The following ILDR1 variants were observed in gnomAD, a reference collection of about 807,000 sequenced individuals.
The protein encoded by ILDR1 is immunoglobulin-like domain-containing receptor 1.
ILDR1 carries 56 observed loss-of-function variants against 62.4 expected under a neutral mutation model. The observed-to-expected ratio is 0.90, with a 90% confidence interval of 0.72 to 1.12. The LOEUF (loss-of-function observed/expected upper bound fraction) is 1.12, where lower values mean the gene tolerates loss of function less well. ILDR1 is among the 50% of genes most tolerant of loss of function. The probability of loss-of-function intolerance (pLI) is 0.00; values close to 1 mark genes in which losing one functional copy is unlikely to be tolerated. For synonymous variants in ILDR1, 284 were observed against 277.8 expected, an observed-to-expected ratio of 1.02 and a Z score of -0.22; for missense variants, 736 against 710.6, an observed-to-expected ratio of 1.04 and a Z score of -0.41.
At chr3:122,004,770 C>T (rs2071579078) in intron 3 of ILDR1, among the ~76,000 whole-genome samples, 1 of 152,130 alleles carries the variant, frequency 6.6e-6, no homozygotes, top group African/African-American at 2.4e-5. Context: ...CTTTTTAGTC[C>T]AAGCCCAGTG....
chr3:122,026,758 A>C (rs2071924512), upstream of ILDR1, among the ~76,000 whole-genome samples: 8 of 152,202 alleles, frequency 5.3e-5, no homozygotes, highest in Admixed American at 5.2e-4. Context: ...AGCTAATGAA[A>C]GGGGTCTGGG....
At chr3:122,004,645 A>G (rs181226160) in intron 3 of ILDR1, among the ~76,000 whole-genome samples, 2 of 152,338 alleles carry the variant, frequency 1.3e-5, no homozygotes, top group East Asian at 3.9e-4. Flanking sequence ...ACTTTGGAGT[A>G]GGGAGGAAGA....
intron 7 of ILDR1, among the ~76,000 whole-genome samples, chr3:121,992,034 C>T (rs774001052): frequency 1.3e-5 from 2 of 152,116 alleles, no homozygotes; most frequent in Non-Finnish European, 2.9e-5. Flanking sequence ...CATGGGTAGC[C>T]TGTAAGTTGG....
chr3:122,018,398 G>T (rs1168409940), intron 1 of ILDR1, among the ~76,000 whole-genome samples: 2 of 143,818 alleles, frequency 1.4e-5, no homozygotes, highest in Admixed American at 6.8e-5. Flanking sequence ...TTGGGGTGGG[G>T]GGGGGGTAGG....
At chr3:122,051,541 A>G in the ILDR1 span, among the ~76,000 whole-genome samples, 1 of 152,088 alleles carries the variant, frequency 6.6e-6, no homozygotes, top group Admixed American at 6.5e-5. Flanking sequence ...CACTTTCCTG[A>G]ACTCATTGAG....
chr3:121,988,414 A>G lies in ILDR1; in HGVS notation c.1600-6T>C. On this transcript the variant is annotated splice_region_variant and splice_polypyrimidine_tract_variant and intron_variant, in intron 7 of 7. Transcript: ENST00000344209. ...CTATGAGAGCTGTCTTTCTCCTGGG[A>G]AATAGAAGAATACACACACAAAAAA... is the stretch of plus-strand genomic sequence containing the variant. 3 of 1,612,514 alleles carry G rather than the reference A, an allele frequency of 1.9e-6. No homozygotes were observed. The highest frequency in any genetic ancestry group is 2.5e-6 in the Non-Finnish European group (3 of 1,178,570).
chr3:122,001,690 G>A, intron 4 of ILDR1, 55 bp downstream of exon 4: 1 of 1,575,258 alleles, frequency 6.3e-7, no homozygotes, highest in Admixed American at 1.7e-5. Context: ...TTTCCTGTGA[G>A]TAAAAGTGTT....
At chr3:122,052,459 T>G in the ILDR1 span, among the ~76,000 whole-genome samples, 1 of 152,338 alleles carries the variant, frequency 6.6e-6, no homozygotes, top group Non-Finnish European at 1.5e-5. Flanking sequence ...TATTTTTTTG[T>G]TCTCAGTGTC....
At chr3:122,001,963 G>A (rs1051029638) in intron 3 of ILDR1, 99 bp from the exon 4 acceptor site, 2 of 1,370,474 alleles carry the variant, frequency 1.5e-6, no homozygotes, top group African/African-American at 2.9e-5. Flanking sequence ...GCAAGACCTT[G>A]TATTTACAAA....
chr3:122,041,757 G>C, the ILDR1 span, among the ~76,000 whole-genome samples: 1 of 151,188 alleles, frequency 6.6e-6, no homozygotes, highest in Non-Finnish European at 1.5e-5. Flanking sequence ...TGTTGATTTC[G>C]TATCTTGCAA....
chr3:122,034,604 A>G, the ILDR1 span, among the ~76,000 whole-genome samples: 11 of 152,342 alleles, frequency 7.2e-5, no homozygotes, highest in East Asian at 1.9e-3. Flanking sequence ...TAATACAGTA[A>G]ACCCCTTAGT....
intron 1 of ILDR1, among the ~76,000 whole-genome samples, chr3:122,012,252 C>T (rs531551138): frequency 1.8e-4 from 27 of 152,312 alleles, no homozygotes; most frequent in South Asian, 1.0e-3. Flanking sequence ...AAAAGAGAAA[C>T]GTCCTGATTG....
At chr3:122,035,690 T>C in the ILDR1 span, among the ~76,000 whole-genome samples, 1 of 152,208 alleles carries the variant, frequency 6.6e-6, no homozygotes, top group African/African-American at 2.4e-5. Flanking sequence ...TCCACCATGA[T>C]TGTAAGTTTC....
chr3:122,007,379 G>A (rs1444368478), intron 1 of ILDR1: 2 of 887,272 alleles, frequency 2.3e-6, no homozygotes, highest in African/African-American at 1.7e-5. Context: ...AGAAAGGAGT[G>A]AGGAAAACTC....
chr3:122,022,104 C>G lies in ILDR1; in HGVS notation c.-27G>C. Reference sequence around the variant, plus strand: ...CCGCCCCCTTTCTGGCCCTTTTCAGCTCAGGGGCTTCGGGGCACTGCGTCT... The same window carrying G: ...CCGCCCCCTTTCTGGCCCTTTTCAGGTCAGGGGCTTCGGGGCACTGCGTCT... On this transcript the variant is annotated 5_prime_UTR_variant, in exon 1 of 8. Coordinates refer to ENST00000344209, the MANE Select transcript of ILDR1 (RefSeq NM_001199799.2). The G allele has an allele frequency of 6.3e-7, 1 of 1,584,338 alleles. No individual in the cohort carries two copies. Among genetic ancestry groups the G allele is most frequent in the East Asian group, 2.3e-5 (1 of 43,622 alleles).
chr3:122,037,402 A>T, the ILDR1 span, among the ~76,000 whole-genome samples: 2 of 152,078 alleles, frequency 1.3e-5, no homozygotes, highest in Non-Finnish European at 2.9e-5. Context: ...GTGTGCCATG[A>T]GTGTGAGACA....
upstream of ILDR1, among the ~76,000 whole-genome samples, chr3:122,024,864 C>T (rs2071907259): frequency 6.6e-6 from 1 of 152,158 alleles, no homozygotes; most frequent in African/African-American, 2.4e-5. Flanking sequence ...AATATATTTC[C>T]ATCTGTCTGT....
At chr3:122,043,319 C>A in the ILDR1 span, among the ~76,000 whole-genome samples, 1 of 151,078 alleles carries the variant, frequency 6.6e-6, no homozygotes, top group African/African-American at 2.4e-5. Context: ...GTTACTGTAG[C>A]CTTGTAGTAT....
chr3:122,040,024 A>C, the ILDR1 span, among the ~76,000 whole-genome samples: 2 of 152,018 alleles, frequency 1.3e-5, no homozygotes, highest in Non-Finnish European at 2.9e-5. Flanking sequence ...AATGGATACT[A>C]AAATTATTAT....
Sources: gnomAD v4.1 joint callset for allele counts (sites outside exome capture counted in the v4.1 genomes callset) on GRCh38, gnomAD v4.1.1 for gene constraint, MANE v1.5 for transcripts, NCBI Gene and HGNC (gene_info 2026-07-23, HGNC 2026-07-21) for gene names.